The following SEC31B variants were observed in gnomAD, a reference collection of about 807,000 sequenced individuals.
The protein encoded by SEC31B is protein transport protein Sec31B.
Under a neutral mutation model 135.0 loss-of-function variants are expected in SEC31B, and 113 were observed. The ratio of observed to expected loss-of-function variants is 0.84; its 90% CI spans 0.72 to 0.98. SEC31B has a LOEUF of 0.98. Ranked by LOEUF, SEC31B falls within the 50% of genes least tolerant of loss-of-function variation. The pLI is 0.00. For synonymous variants in SEC31B, 508 were observed against 549.4 expected, an observed-to-expected ratio of 0.92 and a Z score of 1.05; for missense variants, 1,296 against 1,421.1, an observed-to-expected ratio of 0.91 and a Z score of 1.42.
At chr10:100,489,675 G>C (rs772123324) in intron 22 of SEC31B, 28 bp downstream of exon 22, 2 of 1,614,144 alleles carry the variant, frequency 1.2e-6, no homozygotes, top group East Asian at 4.5e-5. Context: ...GAATGTGCGA[G>C]GGAGTGGGTA....
chr10:100,504,057 T>C (rs1179797121), intron 10 of SEC31B, among the ~76,000 whole-genome samples: 1 of 152,222 alleles, frequency 6.6e-6, no homozygotes, highest in Non-Finnish European at 1.5e-5. Flanking sequence ...AGTGTGTACA[T>C]ATATTCTTAT....
intron 19 of SEC31B, among the ~76,000 whole-genome samples, chr10:100,493,978 A>AG (rs1358525763): frequency 4.0e-4 from 60 of 148,522 alleles, no homozygotes; most frequent in Admixed American, 3.7e-3. Context: ...GAGGAGGGGA[A>AG]GGGGAAAAGG....
intron 1 of SEC31B, among the ~76,000 whole-genome samples, chr10:100,517,730 T>G (rs574396539): frequency 8.6e-4 from 131 of 152,328 alleles, no homozygotes; most frequent in Middle Eastern, 6.8e-3. Flanking sequence ...TTATGGTCTT[T>G]TTTTATTTGT....
At chr10:100,499,100 T>A in intron 13 of SEC31B, 60 bp downstream of exon 13, 2 of 1,382,494 alleles carry the variant, frequency 1.4e-6, no homozygotes, top group Non-Finnish European at 1.0e-6. Flanking sequence ...AAGGGAAAGA[T>A]GCCCAAAAGG....
At chr10:100,499,065 A>G in intron 13 of SEC31B, 95 bp downstream of exon 13, 1 of 992,908 alleles carries the variant, frequency 1.0e-6, no homozygotes, top group Non-Finnish European at 1.6e-6. Context: ...CTAAACACTT[A>G]CAGACAGCAA....
At chr10:100,494,889 G>A in intron 19 of SEC31B, 1 of 156,978 alleles carries the variant, frequency 6.4e-6, no homozygotes, top group Non-Finnish European at 1.3e-5. Context: ...GCAGTGGTAT[G>A]ATCTGGGCTC....
At chr10:100,492,287 C>A (rs1038433101) in intron 19 of SEC31B, among the ~76,000 whole-genome samples, 10 of 152,188 alleles carry the variant, frequency 6.6e-5, no homozygotes, top group African/African-American at 2.4e-4. Flanking sequence ...TGCAATGGCA[C>A]AATCTCAGCT....
intron 3 of SEC31B, among the ~76,000 whole-genome samples, chr10:100,511,474 A>C (rs1183755364): frequency 3.3e-5 from 5 of 152,212 alleles, no homozygotes; most frequent in Non-Finnish European, 7.4e-5. Flanking sequence ...GTTGAAAAAC[A>C]AAAAGGGTGG....
At chr10:100,488,811 C>T in intron 24 of SEC31B, 47 bp downstream of exon 24, 1 of 1,527,702 alleles carries the variant, frequency 6.5e-7, no homozygotes, top group Non-Finnish European at 8.8e-7. Flanking sequence ...GGTCCTGGAG[C>T]CAGCGAGGGG....
Position 100,509,413 on chromosome 10 carries a change from T to C in SEC31B, c.302A>G (p.Asn101Ser), listed in dbSNP as rs1851697066. 2.5e-6 allele frequency: 4 copies of C among 1,613,978 alleles called. No homozygotes were observed. The highest frequency in any genetic ancestry group is 1.7e-5 in the Admixed American group (1 of 59,994). Reference protein sequence around the residue: ...GGDNGMLILYNVTHILSSGKE... With the variant: ...GGDNGMLILYSVTHILSSGKE... ...CCCCGAAGACAGGATGTGGGTCACA[T>C]TGTATAGAATAAGCATGCCATTGTC... The change falls in exon 4 of 26, where the codon AAT becomes AGT. Residue 101 changes from asparagine to serine, a missense_variant. Coordinates refer to ENST00000370345, the MANE Select transcript of SEC31B (RefSeq NM_015490.4).
Position 100,506,198 on chromosome 10 carries a change from C to G in SEC31B, c.886G>C (p.Val296Leu), listed in dbSNP as rs1851627574. The G allele has an allele frequency of 1.9e-6, 3 of 1,614,180 alleles. No homozygotes were observed. The highest frequency in any genetic ancestry group is 2.5e-6 in the Non-Finnish European group (3 of 1,180,040). ...CTGCTCTGTGTTGGTAGCTTATATA[C>G]CACCTAATATGAGGGAACACACCAT... The part of the protein sequence containing the change: ...LCRNLGSSEV[V>L]YKLPTQSSWC... Residue 296 changes from valine (V) to leucine (L), a missense_variant, in exon 9 of 26, where the codon GTA (valine) becomes CTA (leucine). Physicochemically the swap from Val to Leu is conservative, Grantham distance 32. Transcript: ENST00000370345.
intron 25 of SEC31B, 73 bp downstream of exon 25, chr10:100,487,954 A>T: frequency 1.3e-6 from 2 of 1,549,840 alleles, no homozygotes; most frequent in Non-Finnish European, 1.8e-6. Context: ...GGAAGAAAAG[A>T]CACTGGGCTT....
In SEC31B at chr10:100,506,392, C is replaced by A. The variant is rs1395805379; in HGVS notation, c.811G>T (p.Ala271Ser). 6 of 1,614,010 alleles carry A rather than the reference C, an allele frequency of 3.7e-6. No individual in the cohort carries two copies. Among genetic ancestry groups the A allele is most frequent in the Middle Eastern group, 3.3e-4 (2 of 6,084 alleles). Reference sequence around the variant, plus strand: ...CTAGTGAGCAGCAGCTCAGCATCAGCCTGGCTCCATGACACTGACAAGATC... The same window carrying A: ...CTAGTGAGCAGCAGCTCAGCATCAGACTGGCTCCATGACACTGACAAGATC... ...RGILSVSWSQ[A>S]DAELLLTSAK... The change falls in exon 8 of 26, where the codon GCT (alanine) becomes TCT (serine). Residue 271 changes from alanine (A) to serine (S), a missense_variant. Coordinates refer to ENST00000370345, the MANE Select transcript of SEC31B (RefSeq NM_015490.4).
chr10:100,487,956 A>C (rs1292085909), intron 25 of SEC31B, 71 bp downstream of exon 25: 1 of 1,554,074 alleles, frequency 6.4e-7, no homozygotes, highest in Non-Finnish European at 8.9e-7. Context: ...AAGAAAAGAC[A>C]CTGGGCTTCC....
intron 19 of SEC31B, among the ~76,000 whole-genome samples, chr10:100,492,609 A>C (rs567397557): frequency 3.9e-5 from 6 of 152,372 alleles, no homozygotes; most frequent in Non-Finnish European, 7.3e-5. Flanking sequence ...TATAGATTGA[A>C]AAGAAAGAAA....
At chr10:100,508,084 T>C (rs1851667541) in intron 5 of SEC31B, 33 bp from the exon 6 acceptor site, 3 of 1,612,870 alleles carry the variant, frequency 1.9e-6, no homozygotes, top group African/African-American at 1.3e-5. Context: ...AGATGACAAC[T>C]TGTCACCCCC....
intron 24 of SEC31B, 98 bp from the exon 25 acceptor site, chr10:100,488,196 AC>A: frequency 8.9e-7 from 1 of 1,118,780 alleles, no homozygotes; most frequent in Non-Finnish European, 1.3e-6. Flanking sequence ...ATGGTGGCTC[AC>A]GCCTGTAATC....
At chr10:100,497,002 C>A in intron 17 of SEC31B, 133 bp downstream of exon 17, 1 of 957,742 alleles carries the variant, frequency 1.0e-6, no homozygotes, top group Non-Finnish European at 1.5e-6. Context: ...ACATTCAGGA[C>A]CTTTCGCTCC....
In SEC31B at chr10:100,509,100, G is replaced by T. The variant is rs747171271; in HGVS notation, c.402C>A (p.Gly134=). The change falls in exon 5 of 26, where the codon GGC becomes GGA. Residue 134 remains glycine (G), a splice_region_variant and synonymous_variant. Coordinates refer to ENST00000370345, the MANE Select transcript of SEC31B (RefSeq NM_015490.4). ...VRALDLNPFQ[G]NLLASGASDS... The stretch of plus-strand genomic sequence containing the variant: ...CGCTGGCCCCTGAAGCCAGGAGGTT[G>T]CCCTGTATGAATAAAAAGTGTTTGG... 1.9e-6 allele frequency: 3 copies of T among 1,613,692 alleles called. No homozygotes were observed. The highest frequency in any genetic ancestry group is 1.1e-5 in the South Asian group (1 of 91,080).
Sources: allele counts gnomAD v4.1 joint callset (sites outside exome capture counted in the v4.1 genomes callset), GRCh38; gene constraint gnomAD v4.1.1; transcripts MANE v1.5; gene names NCBI Gene and HGNC (gene_info 2026-07-23, HGNC 2026-07-21).